Variants in KIF6 observed in about 807,000 individuals in gnomAD.
The protein encoded by KIF6 is kinesin family member 6, also known as kinesin-like protein KIF6.
KIF6 carries 106 observed loss-of-function variants against 112.7 expected under a neutral mutation model. That is an observed-to-expected ratio of 0.94 (90% CI 0.80 to 1.11). The LOEUF (loss-of-function observed/expected upper bound fraction) is 1.11, where lower values mean the gene tolerates loss of function less well. Among genes scored for constraint, KIF6 ranks in the 50% least tolerant of loss-of-function variants. The pLI, the probability that KIF6 is intolerant of heterozygous loss-of-function variation, is 0.00. For missense variants in KIF6, 929 were observed against 964.0 expected (o/e 0.96, Z 0.48); for synonymous variants, 339 against 339.9 (o/e 1.00, Z 0.03).
intron 3 of KIF6, among the ~76,000 whole-genome samples, chr6:39,693,991 C>T (rs181964167): frequency 6.6e-6 from 1 of 152,184 alleles, no homozygotes; most frequent in Admixed American, 6.5e-5. Flanking sequence ...GATCTTATTC[C>T]TGGGATGCAA....
At chr6:39,650,576 C>T (rs1041485246) in intron 3 of KIF6, among the ~76,000 whole-genome samples, 6 of 151,612 alleles carry the variant, frequency 4.0e-5, no homozygotes, top group African/African-American at 1.5e-4. Flanking sequence ...ATAAAAAATG[C>T]ATTTACTGTA....
At chr6:39,535,549 C>T (rs963828652) in intron 13 of KIF6, among the ~76,000 whole-genome samples, 3 of 152,094 alleles carry the variant, frequency 2.0e-5, no homozygotes, top group African/African-American at 7.2e-5. Flanking sequence ...ACAGGAGCAC[C>T]CAGATGCATA....
chr6:39,525,218 A>G (rs1379787614), intron 13 of KIF6, among the ~76,000 whole-genome samples: 1 of 152,012 alleles, frequency 6.6e-6, no homozygotes, highest in African/African-American at 2.4e-5. Flanking sequence ...ATCTCAGCTG[A>G]CTGCAACCTC....
intron 6 of KIF6, among the ~76,000 whole-genome samples, chr6:39,605,826 T>C (rs1430830705): frequency 6.6e-6 from 1 of 152,144 alleles, no homozygotes; most frequent in Non-Finnish European, 1.5e-5. Flanking sequence ...AGTCTCTTTC[T>C]TTAGCTTTGT....
rs1762864259 is a variant in KIF6 at position 39,335,053 on chromosome 6, C to A, written c.*1479G>T. On this transcript the variant is annotated 3_prime_UTR_variant, in exon 23 of 23. Coordinates refer to ENST00000287152, the MANE Select transcript of KIF6 (RefSeq NM_145027.6). ...ATGAACTGAAGGACCGTTTACTGAA[C>A]AGCGACTCTGTGCTTGGGACACAGC... 1.3e-5 allele frequency: 2 copies of A among 152,178 alleles called. No homozygotes were observed. The highest frequency in any genetic ancestry group is 1.3e-4 in the Admixed American group (2 of 15,290). The allele number at this position is 152,178 out of a possible 1,614,324, so 9.4% of individuals were successfully genotyped here.
chr6:39,552,539 G>A (rs1396516232), intron 10 of KIF6, among the ~76,000 whole-genome samples: 1 of 152,140 alleles, frequency 6.6e-6, no homozygotes, highest in Non-Finnish European at 1.5e-5. Flanking sequence ...TTTGACTCAA[G>A]AATCCCCACT....
intron 13 of KIF6, among the ~76,000 whole-genome samples, chr6:39,492,214 C>G (rs1223300240): frequency 6.6e-6 from 1 of 152,212 alleles, no homozygotes; most frequent in African/African-American, 2.4e-5. Flanking sequence ...CTTCTAACGA[C>G]TTTAAGGGCA....
At chr6:39,525,450 C>T (rs1360145428) in intron 13 of KIF6, among the ~76,000 whole-genome samples, 1 of 152,154 alleles carries the variant, frequency 6.6e-6, no homozygotes, top group African/African-American at 2.4e-5. Flanking sequence ...ATAGACACAA[C>T]TGAATATAAA....
intron 9 of KIF6, among the ~76,000 whole-genome samples, chr6:39,581,053 A>AGCTTT (rs1781260442): frequency 1.3e-5 from 2 of 152,290 alleles, no homozygotes; most frequent in Admixed American, 6.5e-5. Context: ...GGCTTGATCC[A>AGCTTT]GCTTTCATCC....
chr6:39,443,345 C>T (rs7744882), intron 13 of KIF6, among the ~76,000 whole-genome samples: 1,913 of 151,832 alleles, frequency 0.013, 49 homozygotes, highest in African/African-American at 0.044. Flanking sequence ...GCATTGTTAA[C>T]GTGTCCTGTT....
chr6:39,665,163 C>T (rs1468263777), intron 3 of KIF6, among the ~76,000 whole-genome samples: 2 of 152,102 alleles, frequency 1.3e-5, no homozygotes, highest in Admixed American at 6.6e-5. Context: ...AAATGAACAA[C>T]CTAAGACGAA....
At chr6:39,485,511 C>T (rs1021317206) in intron 13 of KIF6, among the ~76,000 whole-genome samples, 1 of 152,104 alleles carries the variant, frequency 6.6e-6, no homozygotes, top group Non-Finnish European at 1.5e-5. Flanking sequence ...ACTTTGATCC[C>T]CAGCACTTAG....
chr6:39,672,636 C>CA (rs1176368082), intron 3 of KIF6, among the ~76,000 whole-genome samples: 3 of 152,170 alleles, frequency 2.0e-5, no homozygotes, highest in Non-Finnish European at 2.9e-5. Flanking sequence ...GGAAAGTCCA[C>CA]AATCAAGGCT....
chr6:39,668,127 TA>T (rs1275505671), intron 3 of KIF6, among the ~76,000 whole-genome samples: 1 of 152,186 alleles, frequency 6.6e-6, no homozygotes, highest in Non-Finnish European at 1.5e-5. Flanking sequence ...GCCGTCACCA[TA>T]CTCCCTGTAC....
chr6:39,422,046 G>A (rs1384947260), intron 14 of KIF6, among the ~76,000 whole-genome samples: 2 of 152,168 alleles, frequency 1.3e-5, no homozygotes, highest in Non-Finnish European at 2.9e-5. Context: ...TGCTCAACGA[G>A]TGACTCCTCC....
intron 13 of KIF6, among the ~76,000 whole-genome samples, chr6:39,492,075 C>T (rs530592154): frequency 2.0e-4 from 30 of 152,222 alleles, no homozygotes; most frequent in South Asian, 1.7e-3. Context: ...ACACCCACGG[C>T]GAGACTGTAA....
chr6:39,582,395 G>C (rs1490444974), intron 9 of KIF6, among the ~76,000 whole-genome samples: 1 of 151,836 alleles, frequency 6.6e-6, no homozygotes, highest in Non-Finnish European at 1.5e-5. Flanking sequence ...TACTTTTTTT[G>C]TTTTGTTTTG....
intron 21 of KIF6, among the ~76,000 whole-genome samples, chr6:39,345,289 T>C (rs1035408053): frequency 3.9e-5 from 6 of 152,220 alleles, no homozygotes; most frequent in African/African-American, 1.4e-4. Context: ...GCAGCCATTC[T>C]AGCCGGAGGA....
At chr6:39,607,984 C>T (rs1323971700) in intron 6 of KIF6, among the ~76,000 whole-genome samples, 1 of 152,126 alleles carries the variant, frequency 6.6e-6, no homozygotes, top group Non-Finnish European at 1.5e-5. Context: ...TTAACAAACA[C>T]AATCACACAA....
Sources: allele counts gnomAD v4.1 joint callset (sites outside exome capture counted in the v4.1 genomes callset), GRCh38; gene constraint gnomAD v4.1.1; transcripts MANE v1.5; gene names NCBI Gene and HGNC (gene_info 2026-07-23, HGNC 2026-07-21).